The following MYOM1 variants were observed in gnomAD, a reference collection of about 807,000 sequenced individuals.
MYOM1 encodes myomesin 1.
Under a neutral mutation model 205.3 loss-of-function variants are expected in MYOM1, and 164 were observed. The observed-to-expected ratio is 0.80, with a 90% CI of 0.70 to 0.91. MYOM1 has a LOEUF of 0.91. Ranked by LOEUF, MYOM1 falls within the 40% of genes least tolerant of loss-of-function variation. The probability of loss-of-function intolerance (pLI) is 0.00; values close to 1 mark genes in which losing one functional copy is unlikely to be tolerated. For missense variants in MYOM1, 2,011 were observed against 2,127.3 expected (o/e 0.95, Z 1.08); for synonymous variants, 772 against 789.4 (o/e 0.98, Z 0.37).
rs776856763 is a variant in MYOM1, at chr18:3,135,639, T to A, written c.2117A>T (p.Lys706Ile). 6.2e-7 allele frequency: 1 copy of A among 1,613,942 alleles called. No individual in the cohort carries two copies. Among genetic ancestry groups the A allele is most frequent in the South Asian group, 1.1e-5 (1 of 91,074 alleles). Reference protein sequence around the residue: ...RFALFDLAEGKSYCFRVRCSN... With the variant: ...RFALFDLAEGISYCFRVRCSN... The stretch of plus-strand genomic sequence containing the variant: ...ACAGCGGACACGGAAACAGTAGGAT[T>A]TCCCCTCGGCCAAGTCAAACAGAGC... Residue 706 changes from lysine (K) to isoleucine (I), a missense_variant, in exon 15 of 38, where the codon AAA becomes ATA. Physicochemically the swap from Lys to Ile is moderately radical, Grantham distance 102. Transcript: ENST00000356443. The surrounding 1 kb of genome is among the most constrained non-coding windows in gnomAD (Gnocchi z 4.1).
chr18:3,178,309 AGAT>A (rs2080679096), intron 5 of MYOM1, among the ~76,000 whole-genome samples: 1 of 152,208 alleles, frequency 6.6e-6, no homozygotes, highest in South Asian at 2.1e-4. Context: ...CTCATTTTCC[AGAT>A]GAAGAAACCA....
chr18:3,157,695 T>A (rs1293016756), intron 10 of MYOM1, among the ~76,000 whole-genome samples: 1 of 145,906 alleles, frequency 6.9e-6, no homozygotes, highest in Non-Finnish European at 1.5e-5. Context: ...ATAATAATAA[T>A]AATAATAATA....
intron 2 of MYOM1, among the ~76,000 whole-genome samples, chr18:3,198,562 G>A (rs1416105936): frequency 3.3e-5 from 5 of 152,118 alleles, no homozygotes; most frequent in Non-Finnish European, 5.9e-5. Flanking sequence ...GAGGTGGGTG[G>A]ATCAGGAGGT....
intron 25 of MYOM1, among the ~76,000 whole-genome samples, chr18:3,097,284 AC>A (rs2079317662): frequency 6.6e-6 from 1 of 152,166 alleles, no homozygotes; most frequent in South Asian, 2.1e-4. Context: ...TCACCTTGTG[AC>A]CTCATTGGTC....
At chr18:3,236,287 C>T in the MYOM1 span, among the ~76,000 whole-genome samples, 1 of 152,220 alleles carries the variant, frequency 6.6e-6, no homozygotes, top group East Asian at 1.9e-4. Flanking sequence ...AAGAAAACTA[C>T]TTAGACCTCT....
chr18:3,104,541 A>C (rs941249144), intron 22 of MYOM1, among the ~76,000 whole-genome samples: 1 of 152,212 alleles, frequency 6.6e-6, no homozygotes, highest in African/African-American at 2.4e-5. Context: ...TGAAAACAAA[A>C]TAGCCACAAA....
intron 22 of MYOM1, among the ~76,000 whole-genome samples, chr18:3,106,164 T>C (rs1303794473): frequency 6.6e-6 from 1 of 152,234 alleles, no homozygotes. Flanking sequence ...CTGTAGGCTA[T>C]GTGCATATGC....
At chr18:3,110,950 T>C (rs1277470416) in intron 22 of MYOM1, among the ~76,000 whole-genome samples, 1 of 148,136 alleles carries the variant, frequency 6.8e-6, no homozygotes, top group Non-Finnish European at 1.5e-5. Context: ...TTTTCTTTTT[T>C]AAATTTTCTT....
rs1352521468 is a variant in MYOM1 at position 3,141,974 on chromosome 18, G to A, written c.1990C>T (p.Arg664Cys). The change falls in exon 14 of 38, where the codon CGT (arginine) becomes TGT (cysteine). Residue 664 changes from arginine to cysteine, a missense_variant. By Grantham distance (180) the Arg-to-Cys change is radical. Coordinates refer to ENST00000356443, the MANE Select transcript of MYOM1 (RefSeq NM_003803.4). ...AAGTACATAATGCCCTCATGACCAC[G>A]CTGGCCAGGGGGCTTCCAGCTGAGC... ...VVLSWKPPGQ[R>C]GHEGIMYFVE... 4.3e-6 allele frequency: 7 copies of A among 1,613,672 alleles called. No individual in the cohort carries two copies. In the African/African-American group the frequency reaches 8.0e-5, roughly 18 times the overall value.
chr18:3,136,735 G>T (rs1025820358), intron 14 of MYOM1, among the ~76,000 whole-genome samples: 1 of 152,142 alleles, frequency 6.6e-6, no homozygotes, highest in African/African-American at 2.4e-5. Flanking sequence ...CTATTTAAAA[G>T]AATTCTTGGT....
At chr18:3,188,625 T>A (rs2144147895) in intron 4 of MYOM1, 123 bp downstream of exon 4, 2 of 1,115,082 alleles carry the variant, frequency 1.8e-6, no homozygotes. Flanking sequence ...TGAGACTCCA[T>A]CTCAAAAGGA....
intron 23 of MYOM1, among the ~76,000 whole-genome samples, chr18:3,102,245 C>G (rs924600862): frequency 6.6e-6 from 1 of 151,960 alleles, no homozygotes; most frequent in African/African-American, 2.4e-5. Context: ...ACCTCGTGAT[C>G]CACCTGCCTT....
intron 12 of MYOM1, among the ~76,000 whole-genome samples, chr18:3,151,235 G>A (rs2080216426): frequency 2.0e-5 from 3 of 151,396 alleles, no homozygotes; most frequent in South Asian, 4.2e-4. Flanking sequence ...ATAGAGAGAC[G>A]CACTGTGCTG....
chr18:3,151,472 A>T (rs868290009), intron 12 of MYOM1, among the ~76,000 whole-genome samples: 3 of 114,062 alleles, frequency 2.6e-5, no homozygotes, highest in South Asian at 3.0e-4. Flanking sequence ...ATAAAATAAA[A>T]TAAATAAAAT....
At chr18:3,202,719 C>T (rs2081083029) in intron 2 of MYOM1, among the ~76,000 whole-genome samples, 1 of 152,052 alleles carries the variant, frequency 6.6e-6, no homozygotes. Context: ...TTGGAGACTT[C>T]AATATTCCAC....
chr18:3,082,864 C>T (rs191169084), intron 33 of MYOM1, among the ~76,000 whole-genome samples: 161 of 152,292 alleles, frequency 1.1e-3, no homozygotes, highest in Middle Eastern at 3.4e-3. Flanking sequence ...TTGAGATCTC[C>T]AAAGCCTTCT....
the MYOM1 span, among the ~76,000 whole-genome samples, chr18:3,232,448 G>A: frequency 1.4e-4 from 21 of 152,320 alleles, no homozygotes; most frequent in Admixed American, 8.5e-4. Context: ...GTGGGTCTGG[G>A]AGAGGGGACA....
the MYOM1 span, among the ~76,000 whole-genome samples, chr18:3,227,418 G>A: frequency 1.3e-5 from 2 of 152,116 alleles, no homozygotes; most frequent in African/African-American, 4.8e-5. Flanking sequence ...TAGAGTAGTC[G>A]AGTTTATAGA....
chr18:3,079,061 C>A, intron 34 of MYOM1, 118 bp downstream of exon 34: 1 of 984,066 alleles, frequency 1.0e-6, no homozygotes, highest in Non-Finnish European at 1.5e-6. Context: ...CATCCTCCTG[C>A]CTTGGCCTCT....
Sources: allele counts gnomAD v4.1 joint callset (sites outside exome capture counted in the v4.1 genomes callset), GRCh38; gene constraint gnomAD v4.1.1; non-coding constraint Gnocchi (gnomAD v3.1); transcripts MANE v1.5; gene names NCBI Gene and HGNC (gene_info 2026-07-23, HGNC 2026-07-21).